Variants in PADI6 observed in about 807,000 individuals in gnomAD.
PADI6 encodes the protein peptidyl arginine deiminase 6.
PADI6 carries 66 observed loss-of-function variants against 78.2 expected under a neutral mutation model. The observed-to-expected ratio is 0.84, with a 90% CI of 0.69 to 1.04. The LOEUF is 1.04. Among genes scored for constraint, PADI6 ranks in the 50% least tolerant of loss-of-function variants. PADI6 has a pLI of 0.00. For missense variants in PADI6, 854 were observed against 866.1 expected (o/e 0.99, Z 0.18); for synonymous variants, 397 against 346.9 (o/e 1.14, Z -1.60).
At chr1:17,400,097 A>C (rs2075286440) in intron 15 of PADI6, among the ~76,000 whole-genome samples, 1 of 151,848 alleles carries the variant, frequency 6.6e-6, no homozygotes, top group African/African-American at 2.4e-5. Flanking sequence ...AGTCTCAGCC[A>C]CTCAGGAGGC....
At chr1:17,380,755 G>C (rs539651270) in intron 4 of PADI6, among the ~76,000 whole-genome samples, 69 of 152,278 alleles carry the variant, frequency 4.5e-4, no homozygotes, top group South Asian at 6.2e-4. Flanking sequence ...ATTAGCCGCT[G>C]CTGCCAGGTG....
At chr1:17,393,372 G>A (rs2075210773) in intron 9 of PADI6, among the ~76,000 whole-genome samples, 1 of 152,184 alleles carries the variant, frequency 6.6e-6, no homozygotes, top group Non-Finnish European at 1.5e-5. Context: ...TTAAGAGTAG[G>A]CAAGAATAGA....
intron 8 of PADI6, 122 bp from the exon 9 acceptor site, chr1:17,391,992 C>CG: frequency 1.3e-6 from 1 of 770,994 alleles, no homozygotes; most frequent in East Asian, 2.8e-5. Flanking sequence ...GTCGACCTCA[C>CG]GGGCAGGGAT....
In PADI6 at chr1:17,379,946, C is replaced by T. The variant is rs748141096; in HGVS notation, c.394C>T (p.Arg132Cys). ...IEVSLEVDIY[R>C]NGQVEMSSDK... is the part of the protein sequence containing the mutation. The stretch of plus-strand genomic sequence containing the variant: ...GGTCTCTCTAGAGGTAGACATCTAC[C>T]GCAATGGGCAAGTTGAGATGTCAAG... The change falls in exon 4 of 16, where the codon CGC (arginine) becomes TGC (cysteine). Residue 132 changes from arginine to cysteine, a missense_variant. Transcript: ENST00000619609. The T allele has an allele frequency of 1.3e-5, 21 of 1,613,320 alleles. No homozygotes were observed. Among genetic ancestry groups the T allele is most frequent in the South Asian group, 2.2e-5 (2 of 91,034 alleles).
chr1:17,398,654 G>GCCCCCCCCCCC lies in PADI6; in HGVS notation c.1690-31_1690-21dup. 9 of 173,476 alleles carry GCCCCCCCCCCC rather than the reference G, an allele frequency of 5.2e-5. 2 individuals carry two copies. The highest frequency in any genetic ancestry group is 1.0e-4 in the South Asian group (2 of 19,738). 10.7% of individuals were successfully genotyped at this position (173,476 alleles called of 1,614,324 possible). ...CCTGATGAGCTCTCCTTGCTCCCCC[G>GCCCCCCCCCCC]CCCCCCCCCCCACCCACCCACCCAC... On this transcript the variant is annotated intron_variant, in intron 14 of 15. Transcript: ENST00000619609.
Position 17,387,459 on chromosome 1 carries a change from G to GA in PADI6, c.680-922_680-921insA, listed in dbSNP as rs1553153216. 7.4e-5 allele frequency among the ~76,000 whole-genome samples: 8 copies of GA among 107,568 alleles called. No homozygotes were observed. In the East Asian group the frequency reaches 3.2e-3, roughly 43 times the overall value. 70.6% of individuals were successfully genotyped at this position (107,568 alleles called of 152,430 possible). ...GACTCCACCTCAAAAAAGAAAAGGA[G>GA]GGGGGGGGGCCAGGCGTGGTAGCTC... On this transcript the variant is annotated intron_variant, in intron 6 of 15. Transcript: ENST00000619609.
In PADI6 at chr1:17,395,729, T is replaced by C; in HGVS notation, c.1618+66T>C. Reference sequence around the variant, plus strand: ...CCTTTTTCCAGGGGTCCTTTCTACATAGCCATTCTGTCACGCTTGGCGTAA... The same window carrying C: ...CCTTTTTCCAGGGGTCCTTTCTACACAGCCATTCTGTCACGCTTGGCGTAA... On this transcript the variant is annotated intron_variant, in intron 13 of 15. Transcript: ENST00000619609. The C allele has an allele frequency of 3.3e-6, 5 of 1,537,578 alleles. No homozygotes were observed. The South Asian group carries it at 6.1e-5, about 19-fold the overall frequency.
chr1:17,383,614 G>A (rs765764704), intron 6 of PADI6, among the ~76,000 whole-genome samples: 11 of 152,228 alleles, frequency 7.2e-5, no homozygotes, highest in Non-Finnish European at 1.6e-4. Context: ...TTGGGAGGCT[G>A]AGGCAGATGG....
At chr1:17,397,267 C>T in intron 14 of PADI6, 126 bp downstream of exon 14, 1 of 1,015,510 alleles carries the variant, frequency 9.8e-7, no homozygotes. Flanking sequence ...GCCTGCCACC[C>T]TTTCTTCCAG....
Position 17,378,955 on chromosome 1 carries a change from T to G in PADI6, c.368-965T>G, listed in dbSNP as rs866663387. On this transcript the variant is annotated intron_variant, in intron 3 of 15. Transcript: ENST00000619609. ...GAATTGTCATGTATTGAATTTTTTTTGGGGGGGGGGACAGAATCTTGCTCT... is the reference window on the plus strand; with the variant it reads ...GAATTGTCATGTATTGAATTTTTTTGGGGGGGGGGGACAGAATCTTGCTCT... Among the ~76,000 whole-genome samples the G allele has an allele frequency of 6.1e-3, 836 of 136,758 alleles. 6 individuals are homozygous for G. The highest frequency in any genetic ancestry group is 0.022 in the Middle Eastern group (6 of 270). The allele number at this position is 136,758 out of a possible 152,430, so 89.7% of individuals were successfully genotyped here. A position where few individuals can be genotyped will look rare whatever the true frequency, so the allele number is the denominator to read the frequency against.
chr1:17,392,193 G>A lies in PADI6; in HGVS notation c.1042G>A (p.Glu348Lys). The A allele has an allele frequency of 5.8e-6, 9 of 1,559,278 alleles. No individual in the cohort carries two copies. The highest frequency in any genetic ancestry group is 2.4e-5 in the East Asian group (1 of 41,546). ...CAACAGCCAGGTGGCATCTGTCTAT[G>A]AGGACCCCAACCGCCTGGGCAGGTG... ...KSNSQVASVYEDPNRLGRWLQ... is the reference protein window; with the variant it reads ...KSNSQVASVYKDPNRLGRWLQ... Residue 348 changes from glutamate (E) to lysine (K), a missense_variant, in exon 9 of 16, where the codon GAG becomes AAG. Transcript: ENST00000619609.
chr1:17,401,395 G>A lies in PADI6; in HGVS notation c.2042G>A (p.Arg681His), dbSNP rs1357396012. ...GACATCTGTGCCTGTGCCAACATCC[G>A]CCGGGTGCCCTTTGCCTTCAAATGG... Reference protein sequence around the residue: ...VGDICACANIRRVPFAFKWWK... With the variant: ...VGDICACANIHRVPFAFKWWK... The change falls in exon 16 of 16, where the codon CGC (arginine) becomes CAC (histidine). Residue 681 changes from arginine (R) to histidine (H), a missense_variant. Physicochemically the swap from Arg to His is conservative, Grantham distance 29 (BLOSUM62 0). Coordinates refer to ENST00000619609, the MANE Select transcript of PADI6 (RefSeq NM_207421.4). The A allele has an allele frequency of 4.3e-6, 7 of 1,614,040 alleles. No homozygotes were observed. Among genetic ancestry groups the A allele is most frequent in the East Asian group, 4.5e-5 (2 of 44,888 alleles).
In PADI6 at chr1:17,384,274, A is replaced by C. The variant is rs117137250; in HGVS notation, c.679+2182A>C. On this transcript the variant is annotated intron_variant, in intron 6 of 15. Coordinates refer to ENST00000619609, the MANE Select transcript of PADI6 (RefSeq NM_207421.4). ...CAGCAAAAGAGTCTGAAAAGTTTAC[A>C]GAGGAATAGAAAGCCAGAATACAGG... Among the ~76,000 whole-genome samples the C allele has an allele frequency of 2.0e-5, 3 of 152,302 alleles. No individual in the cohort carries two copies. In the East Asian group the frequency reaches 5.8e-4, roughly 29 times the overall value.
intron 14 of PADI6, among the ~76,000 whole-genome samples, chr1:17,397,352 TA>T (rs1346334897): frequency 6.6e-6 from 1 of 152,122 alleles, no homozygotes; most frequent in Non-Finnish European, 1.5e-5. Flanking sequence ...AGTAAGGAGT[TA>T]GGTCTCTGGA....
intron 14 of PADI6, 53 bp downstream of exon 14, chr1:17,397,194 C>A: frequency 6.3e-7 from 1 of 1,599,376 alleles, no homozygotes; most frequent in South Asian, 1.1e-5. Context: ...TGCCGCAGGT[C>A]TTGCAGGAAG....
chr1:17,398,648 T>TGGGGGGGGGG, intron 14 of PADI6, 38 bp from the exon 15 acceptor site: 2 of 193,328 alleles, frequency 1.0e-5, no homozygotes, highest in African/African-American at 6.7e-5. Context: ...CTCTCCTTGC[T>TGGGGGGGGGG]CCCCCGCCCC....
At chr1:17,384,127 A>AGT (rs1000045574) in intron 6 of PADI6, among the ~76,000 whole-genome samples, 3 of 151,812 alleles carry the variant, frequency 2.0e-5, no homozygotes, top group African/African-American at 7.3e-5. Flanking sequence ...TAGGTGACAG[A>AGT]GTGGGACTCT....
At chr1:17,381,892 T>C (rs2075076189) in intron 5 of PADI6, 75 bp from the exon 6 acceptor site, 5 of 1,577,008 alleles carry the variant, frequency 3.2e-6, no homozygotes, top group Non-Finnish European at 4.3e-6. Flanking sequence ...CCGGCCCCTC[T>C]CTACTGCTCT....
At chr1:17,387,834 T>C (rs923157642) in intron 6 of PADI6, among the ~76,000 whole-genome samples, 2 of 152,228 alleles carry the variant, frequency 1.3e-5, no homozygotes, top group African/African-American at 4.8e-5. Context: ...TGCATGGTTT[T>C]GTATTTAATG....
Sources: gnomAD v4.1 joint callset for allele counts (sites outside exome capture counted in the v4.1 genomes callset) on GRCh38, gnomAD v4.1.1 for gene constraint, MANE v1.5 for transcripts, NCBI Gene and HGNC (gene_info 2026-07-23, HGNC 2026-07-21) for gene names.